IGFN1: variants seen among roughly 807,000 people sequenced by gnomAD.
IGFN1 encodes immunoglobulin like and fibronectin type III domain containing 1.
In IGFN1, 253 loss-of-function variants were observed where a neutral mutation model predicts 289.5. The observed-to-expected ratio is 0.87, with a 90% confidence interval of 0.79 to 0.97. The LOEUF is 0.97. Ranked by LOEUF, IGFN1 falls within the 50% of genes least tolerant of loss-of-function variation. The pLI, the probability that IGFN1 is intolerant of heterozygous loss-of-function variation, is 0.00. For synonymous variants in IGFN1, 1,706 were observed against 1,788.5 expected (o/e 0.95, Z 1.16); for missense variants, 4,470 against 4,686.1 (o/e 0.95, Z 1.35).
chr1:201,200,018 G>A (rs1371040231), intron 7 of IGFN1, among the ~76,000 whole-genome samples: 4 of 152,110 alleles, frequency 2.6e-5, no homozygotes, highest in African/African-American at 9.7e-5. Flanking sequence ...GTTGTCAGGA[G>A]CATTTCTCCT....
At chr1:201,199,247 C>A in intron 5 of IGFN1, 87 bp from the exon 6 acceptor site, 1 of 1,145,834 alleles carries the variant, frequency 8.7e-7, no homozygotes, top group Non-Finnish European at 1.3e-6. Flanking sequence ...GGGACTCCAT[C>A]AGTTTCTCAG....
intron 6 of IGFN1, 52 bp downstream of exon 6, chr1:201,199,430 T>A: frequency 1.3e-6 from 2 of 1,519,406 alleles, no homozygotes; most frequent in Non-Finnish European, 1.8e-6. Flanking sequence ...GATAGGCTAC[T>A]CCTTTCCTGG....
At chr1:201,201,853 G>T (rs1422450064) in intron 9 of IGFN1, 21 bp downstream of exon 9, 1 of 1,020,318 alleles carries the variant, frequency 9.8e-7, no homozygotes. Flanking sequence ...AGGGGCTATG[G>T]GTGGGGGGGA....
Position 201,207,441 on chromosome 1 carries a change from A to C in IGFN1, c.2548A>C (p.Thr850Pro). 6.5e-7 allele frequency: 1 copy of C among 1,528,018 alleles called. No individual in the cohort carries two copies. Among genetic ancestry groups the C allele is most frequent in the Non-Finnish European group, 8.8e-7 (1 of 1,142,518 alleles). 94.7% of individuals were successfully genotyped at this position (1,528,018 alleles called of 1,614,324 possible). ...WDDTPSSLRK[T>P]GAHHGPGVLG... ...TGACACACCATCTAGCCTCAGAAAA[A>C]CTGGGGCCCACCATGGGCCTGGAGT... Residue 850 changes from threonine to proline, a missense_variant, in exon 12 of 24, where the codon ACT becomes CCT. Transcript: ENST00000335211.
Position 201,205,283 on chromosome 1 carries a change from G to A in IGFN1, c.1118G>A (p.Arg373His), listed in dbSNP as rs756751848. 43 of 1,550,710 alleles carry A rather than the reference G, an allele frequency of 2.8e-5. No individual in the cohort carries two copies. Among genetic ancestry groups the A allele is most frequent in the Admixed American group, 1.8e-4 (9 of 50,976 alleles). The change falls in exon 11 of 24, where the codon CGT (arginine) becomes CAT (histidine). Residue 373 changes from arginine to histidine, a missense_variant. Physicochemically the swap from Arg to His is conservative, Grantham distance 29. Transcript: ENST00000335211. ...CACCGGCTGGTGGTGAGGGGGGCAC[G>A]TTTCTCAGACATGGGCCCCTATTCG... is the stretch of plus-strand genomic sequence containing the variant. ...LTHRLVVRGA[R>H]FSDMGPYSLG... is the part of the protein sequence containing the mutation.
intron 18 of IGFN1, among the ~76,000 whole-genome samples, chr1:201,219,387 A>G (rs1653558259): frequency 6.6e-6 from 1 of 152,242 alleles, no homozygotes; most frequent in Admixed American, 6.5e-5. Context: ...CATGGAGTGT[A>G]TTGAGAGATG....
In IGFN1 at chr1:201,201,791, C is replaced by T. The variant is rs1430731214; in HGVS notation, c.706C>T (p.Leu236=). The T allele has an allele frequency of 4.5e-6, 7 of 1,547,322 alleles. No individual in the cohort carries two copies. The highest frequency in any genetic ancestry group is 1.2e-5 in the South Asian group (1 of 83,990). ...KDGNAKFDLE[L]DLKDSQSKIY... Reference sequence around the variant, plus strand: ...TGGGAATGCAAAGTTTGACTTGGAGCTGGATCTCAAGGATTCTCAGAGCAA... The same window carrying T: ...TGGGAATGCAAAGTTTGACTTGGAGTTGGATCTCAAGGATTCTCAGAGCAA... Residue 236 remains leucine, a synonymous_variant, in exon 9 of 24, where the codon CTG becomes TTG. Coordinates refer to ENST00000335211, the MANE Select transcript of IGFN1 (RefSeq NM_001164586.2).
At chr1:201,192,649 C>T (rs568018975) in intron 1 of IGFN1, among the ~76,000 whole-genome samples, 1 of 152,314 alleles carries the variant, frequency 6.6e-6, no homozygotes, top group South Asian at 2.1e-4. Flanking sequence ...GGCCTCTCCC[C>T]TGCAGACCTT....
chr1:201,197,273 C>T lies in IGFN1; in HGVS notation c.323C>T (p.Ala108Val), dbSNP rs375449085. 1.2e-5 allele frequency: 18 copies of T among 1,551,404 alleles called. No homozygotes were observed. The highest frequency in any genetic ancestry group is 1.1e-4 in the African/African-American group (8 of 73,046). The change falls in exon 5 of 24, where the codon GCG (alanine) becomes GTG (valine). Residue 108 changes from alanine to valine, a missense_variant. Coordinates refer to ENST00000335211, the MANE Select transcript of IGFN1 (RefSeq NM_001164586.2). Reference protein sequence around the residue: ...TDLYRCTAVNAYGEAACSVRL... With the variant: ...TDLYRCTAVNVYGEAACSVRL... ...CTGTACCGCTGCACAGCAGTAAATG[C>T]GTACGGAGAGGCCGCTTGCTCAGTG... is the stretch of plus-strand genomic sequence containing the variant.
rs781650601 is a variant in IGFN1 at position 201,215,714 on chromosome 1, C to G, written c.9171C>G (p.Asp3057Glu). The G allele has an allele frequency of 6.2e-7, 1 of 1,613,104 alleles. No individual in the cohort carries two copies. The highest frequency in any genetic ancestry group is 8.5e-7 in the Non-Finnish European group (1 of 1,179,584). The change falls in exon 15 of 24, where the codon GAC becomes GAG. Residue 3057 changes from aspartate to glutamate, a missense_variant. Around this residue, in one of 8 missense-constraint regions of IGFN1, gnomAD observed 2,218 missense variants for 2,114.1 expected, o/e 1.05. Coordinates refer to ENST00000335211, the MANE Select transcript of IGFN1 (RefSeq NM_001164586.2). ...GCAGTGACAGGGAGGCCCAGGTGGA[C>G]CTGGGGGATGGCTACACGCGGCTGT... ...VGSSDREAQV[D>E]LGDGYTRLCL...
intron 15 of IGFN1, 134 bp from the exon 16 acceptor site, chr1:201,216,320 A>T: frequency 1.5e-6 from 1 of 679,242 alleles, no homozygotes; most frequent in Non-Finnish European, 2.3e-6. Context: ...AGTCTGCCCC[A>T]TTGCAGGCTT....
intron 15 of IGFN1, chr1:201,216,171 G>T: frequency 1.7e-6 from 1 of 604,072 alleles, no homozygotes; most frequent in South Asian, 1.9e-5. Flanking sequence ...CCGAGCAGGT[G>T]CCCATACCAG....
intron 20 of IGFN1, 152 bp downstream of exon 20, chr1:201,222,979 G>C (rs1215103320): frequency 7.6e-6 from 4 of 526,088 alleles, no homozygotes; most frequent in Non-Finnish European, 1.4e-5. Context: ...AATCAGGTGA[G>C]AGACATGAGG....
Position 201,214,266 on chromosome 1 carries a change from C to T in IGFN1, c.8818C>T (p.Leu2940=), listed in dbSNP as rs1366114888. Residue 2940 remains leucine (L), a synonymous_variant, in exon 13 of 24, where the codon CTG becomes TTG. Coordinates refer to ENST00000335211, the MANE Select transcript of IGFN1 (RefSeq NM_001164586.2). ...ACTCTCCTGTACCCTCACCAGTGAC[C>T]TGGGACCTGGCACCTGGTTTAAGGA... is the stretch of plus-strand genomic sequence containing the variant. ...ATLSCTLTSD[L]GPGTWFKDGV... The T allele has an allele frequency of 1.2e-6, 2 of 1,613,112 alleles. No homozygotes were observed. Among genetic ancestry groups the T allele is most frequent in the Admixed American group, 3.3e-5 (2 of 59,964 alleles).
At chr1:201,195,550 G>C (rs1234513880) in intron 3 of IGFN1, among the ~76,000 whole-genome samples, 3 of 152,176 alleles carry the variant, frequency 2.0e-5, no homozygotes, top group African/African-American at 7.2e-5. Context: ...CTAAAGCCCT[G>C]CTGGCCTCCC....
At position 201,216,717 on chromosome 1, in the gene IGFN1, G is replaced by A; in HGVS notation, c.9559G>A (p.Ala3187Thr). The change falls in exon 16 of 24, where the codon GCC becomes ACC. Residue 3187 changes from alanine to threonine, a missense_variant. Transcript: ENST00000335211. ...RAVTSEGAGE[A>T]LESEEILVAP... ...TGTGACCTCAGAGGGGGCTGGCGAG[G>A]CCCTGGAGTCTGAGGAGATATTGGT... is the stretch of plus-strand genomic sequence containing the variant. The A allele has an allele frequency of 6.2e-7, 1 of 1,612,994 alleles. No individual in the cohort carries two copies. The highest frequency in any genetic ancestry group is 8.5e-7 in the Non-Finnish European group (1 of 1,179,508).
chr1:201,206,888 A>G lies in IGFN1; in HGVS notation c.1995A>G (p.Gly665=), dbSNP rs897469766. 10 of 1,536,198 alleles carry G rather than the reference A, an allele frequency of 6.5e-6. No individual in the cohort carries two copies. The highest frequency in any genetic ancestry group is 1.4e-5 in the African/African-American group (1 of 72,974). ...GTGGGACTGGCCTGGGAGAAGCTGG[A>G]GACAGCAATGGGGCAGGAGGTCCTG... is the stretch of plus-strand genomic sequence containing the variant. ...WGGGTGLGEA[G]DSNGAGGPGT... The change falls in exon 12 of 24, where the codon GGA becomes GGG. Residue 665 remains glycine, a synonymous_variant. Transcript: ENST00000335211.
chr1:201,221,324 A>G, intron 18 of IGFN1, 120 bp from the exon 19 acceptor site: 1 of 774,412 alleles, frequency 1.3e-6, no homozygotes, highest in Non-Finnish European at 2.0e-6. Context: ...GAAGAATCTA[A>G]AGGCAGAATT....
At position 201,210,794 on chromosome 1, in the gene IGFN1, G is replaced by A. The variant is rs1347783871; in HGVS notation, c.5901G>A (p.Gly1967=). ...VNKAGYRKDL[G]APKGMGSGSK... ...AGGCAGGTTATAGGAAGGATTTGGG[G>A]GCTCCTAAGGGAATGGGTTCAGGGA... Residue 1967 remains glycine, a synonymous_variant, in exon 12 of 24, where the codon GGG becomes GGA. Transcript: ENST00000335211. 7.2e-6 allele frequency: 11 copies of A among 1,528,766 alleles called. No homozygotes were observed. Among genetic ancestry groups the A allele is most frequent in the Non-Finnish European group, 9.6e-6 (11 of 1,143,864 alleles). The allele number at this position is 1,528,766 out of a possible 1,614,324, so 94.7% of individuals were successfully genotyped here.
Sources: gnomAD v4.1 joint callset for allele counts (sites outside exome capture counted in the v4.1 genomes callset) on GRCh38, gnomAD v4.1.1 for gene constraint, gnomAD v4.1.1 regional missense constraint, MANE v1.5 for transcripts, NCBI Gene and HGNC (gene_info 2026-07-23, HGNC 2026-07-21) for gene names.